GPHN: variants seen among roughly 807,000 people sequenced by gnomAD.
The protein encoded by GPHN is gephyrin.
GPHN carries 17 observed loss-of-function variants against 95.5 expected under a neutral mutation model. The observed-to-expected ratio is 0.18, with a 90% CI of 0.12 to 0.27. GPHN has a LOEUF of 0.27. Ranked by LOEUF, GPHN falls within the 10% of genes least tolerant of loss-of-function variation. The probability of loss-of-function intolerance (pLI) is 1.00; values close to 1 mark genes in which losing one functional copy is unlikely to be tolerated. For synonymous variants in GPHN, 320 were observed against 322.5 expected, an observed-to-expected ratio of 0.99 and a Z score of 0.08; for missense variants, 660 against 978.1, an observed-to-expected ratio of 0.67 and a Z score of 4.34.
At chr14:67,365,053 G>T in the GPHN span, 12 of 1,502,122 alleles carry the variant, frequency 8.0e-6, no homozygotes, top group South Asian at 5.4e-5. Context: ...GATTTAAAAT[G>T]GTTTATTTAA....
chr14:67,363,082 G>A, the GPHN span, among the ~76,000 whole-genome samples: 1 of 152,096 alleles, frequency 6.6e-6, no homozygotes, highest in East Asian at 1.9e-4. Flanking sequence ...GGTTTTCACT[G>A]GTCAAATGTC....
intron 1 of GPHN, among the ~76,000 whole-genome samples, chr14:66,670,621 CTT>C (rs1167068070): frequency 2.6e-5 from 4 of 152,006 alleles, no homozygotes; most frequent in African/African-American, 9.7e-5. Flanking sequence ...GAAACCCAGT[CTT>C]AACAAAAATA....
chr14:67,687,077 C>T, the GPHN span, among the ~76,000 whole-genome samples: 1 of 152,148 alleles, frequency 6.6e-6, no homozygotes, highest in Non-Finnish European at 1.5e-5. Flanking sequence ...CTGATGAATG[C>T]CCACCTAAAG....
chr14:67,077,381 T>C (rs996056531), intron 11 of GPHN, among the ~76,000 whole-genome samples: 29 of 152,162 alleles, frequency 1.9e-4, no homozygotes, highest in African/African-American at 6.8e-4. Flanking sequence ...TTCACTCTCT[T>C]AGCTCTATTT....
chr14:67,160,540 G>T (rs1163327120), intron 19 of GPHN, among the ~76,000 whole-genome samples: 1 of 152,154 alleles, frequency 6.6e-6, no homozygotes, highest in Non-Finnish European at 1.5e-5. Context: ...ATTAGTGAAA[G>T]ATATGGCCAT....
At chr14:67,701,192 T>C in the GPHN span, among the ~76,000 whole-genome samples, 2 of 151,950 alleles carry the variant, frequency 1.3e-5, no homozygotes, top group African/African-American at 2.4e-5. Context: ...ATAGCACAAG[T>C]AGAATTTTTT....
intron 1 of GPHN, among the ~76,000 whole-genome samples, chr14:66,582,662 G>A (rs2061238656): frequency 6.6e-6 from 1 of 151,482 alleles, no homozygotes; most frequent in South Asian, 2.1e-4. Context: ...GCGATAGTTT[G>A]CTGAGAATGA....
chr14:66,878,763 TG>T (rs984481896), intron 4 of GPHN, among the ~76,000 whole-genome samples: 69 of 152,256 alleles, frequency 4.5e-4, no homozygotes, highest in African/African-American at 1.5e-3. Flanking sequence ...TTTATACTGT[TG>T]GTGGGAGTGT....
chr14:67,224,153 G>C, the GPHN span, among the ~76,000 whole-genome samples: 2 of 151,950 alleles, frequency 1.3e-5, no homozygotes, highest in Non-Finnish European at 2.9e-5. Flanking sequence ...ATAAGGTTTT[G>C]GGATAAAGTG....
intron 10 of GPHN, among the ~76,000 whole-genome samples, chr14:67,028,208 A>G (rs2074021766): frequency 2.6e-5 from 4 of 152,180 alleles, no homozygotes; most frequent in African/African-American, 4.8e-5. Flanking sequence ...CAGAATTTCT[A>G]CTATTTTAAA....
intron 18 of GPHN, among the ~76,000 whole-genome samples, chr14:67,155,552 T>C (rs1485345416): frequency 6.6e-6 from 1 of 152,194 alleles, no homozygotes; most frequent in East Asian, 1.9e-4. Context: ...GAAATTTCAC[T>C]AGAAAACTGG....
intron 17 of GPHN, among the ~76,000 whole-genome samples, chr14:67,125,948 C>A: frequency 6.6e-6 from 1 of 151,996 alleles, no homozygotes. Flanking sequence ...TTTTGACAAT[C>A]AAAGTAAAAA....
chr14:67,102,574 C>T (rs1314973460), intron 13 of GPHN, among the ~76,000 whole-genome samples: 2 of 151,934 alleles, frequency 1.3e-5, no homozygotes, highest in Non-Finnish European at 2.9e-5. Flanking sequence ...GCAGGAGAAT[C>T]GCTTGAACCT....
chr14:67,727,971 G>C, the GPHN span: 1 of 152,256 alleles, frequency 6.6e-6, no homozygotes, highest in African/African-American at 2.4e-5. Context: ...CAGACCCCTG[G>C]GTCCAAGTTC....
intron 1 of GPHN, among the ~76,000 whole-genome samples, chr14:66,600,659 A>G (rs942734994): frequency 2.0e-5 from 3 of 152,106 alleles, no homozygotes; most frequent in African/African-American, 7.2e-5. Context: ...TTTTCTCCTT[A>G]AGGCATATCA....
chr14:67,167,044 G>T (rs934448367), intron 20 of GPHN, among the ~76,000 whole-genome samples: 18 of 152,180 alleles, frequency 1.2e-4, no homozygotes, highest in African/African-American at 4.3e-4. Context: ...CCCTAATCTC[G>T]ACAAGTTTTA....
At chr14:67,709,642 A>T in the GPHN span, among the ~76,000 whole-genome samples, 2 of 152,150 alleles carry the variant, frequency 1.3e-5, no homozygotes, top group Non-Finnish European at 2.9e-5. Context: ...GAGGAGTTTA[A>T]TAGCTTTAAT....
At chr14:67,714,195 G>A in the GPHN span, among the ~76,000 whole-genome samples, 2 of 152,178 alleles carry the variant, frequency 1.3e-5, no homozygotes, top group Non-Finnish European at 2.9e-5. Flanking sequence ...GAGTGCAGTG[G>A]TGTGATCACA....
At chr14:67,612,017 T>C in the GPHN span, among the ~76,000 whole-genome samples, 1 of 152,176 alleles carries the variant, frequency 6.6e-6, no homozygotes, top group Admixed American at 6.5e-5. Flanking sequence ...ATCCCTCACA[T>C]GCATAGTTCA....
Sources: allele counts gnomAD v4.1 joint callset (sites outside exome capture counted in the v4.1 genomes callset), GRCh38; gene constraint gnomAD v4.1.1; transcripts MANE v1.5; gene names NCBI Gene and HGNC (gene_info 2026-07-23, HGNC 2026-07-21).